Variants in SMTN observed in about 807,000 individuals in gnomAD.
SMTN encodes smoothelin.
In SMTN, 58 loss-of-function variants were observed where a neutral mutation model predicts 102.0. The ratio of observed to expected loss-of-function variants is 0.57; its 90% CI spans 0.46 to 0.71. The LOEUF (loss-of-function observed/expected upper bound fraction) is 0.71. Among genes scored for constraint, SMTN ranks in the 30% least tolerant of loss-of-function variants. The pLI is 0.00. For missense variants in SMTN, 1,185 were observed against 1,241.7 expected, an observed-to-expected ratio of 0.95 and a Z score of 0.69; for synonymous variants, 478 against 497.9, an observed-to-expected ratio of 0.96 and a Z score of 0.53.
At chr22:31,084,280 T>C (rs2042512022) in intron 2 of SMTN, among the ~76,000 whole-genome samples, 1 of 152,040 alleles carries the variant, frequency 6.6e-6, no homozygotes, top group Non-Finnish European at 1.5e-5. Context: ...TCCATGGGGG[T>C]AAATTAAAGA....
rs915286440 is a variant in SMTN at position 31,095,851 on chromosome 22, G to A, written c.1861+242G>A. On this transcript the variant is annotated intron_variant, in intron 13 of 20. Coordinates refer to ENST00000333137, the MANE Select transcript of SMTN (RefSeq NM_134269.3). The surrounding 1 kb of genome is among the most constrained non-coding windows in gnomAD (Gnocchi z 4.1). ...CAACCAGCTTCTCTTCTCCTTCCTA[G>A]ACCCAGATACTCCCTCCCGCAGCTA... The A allele has an allele frequency of 3.5e-6, 2 of 564,718 alleles. No homozygotes were observed. The highest frequency in any genetic ancestry group is 3.2e-5 in the Admixed American group (1 of 30,798). 35.0% of individuals were successfully genotyped at this position (564,718 alleles called of 1,614,324 possible).
chr22:31,088,218 T>C, intron 3 of SMTN, 105 bp downstream of exon 3: 3 of 1,281,864 alleles, frequency 2.3e-6, no homozygotes, highest in Non-Finnish European at 3.2e-6. Flanking sequence ...GTGGATTGCA[T>C]GTGCTAATGG....
At position 31,088,501 on chromosome 22, in the gene SMTN, A is replaced by G. The variant is rs781018228; in HGVS notation, c.201-12A>G. The stretch of plus-strand genomic sequence containing the variant: ...CATGGCAGTGGTGGTTACAGTCATG[A>G]TGTCTCTGCAGCTCTCAGCAGCGGG... On this transcript the variant is annotated splice_polypyrimidine_tract_variant and intron_variant, in intron 3 of 20. Coordinates refer to ENST00000333137, the MANE Select transcript of SMTN (RefSeq NM_134269.3). The G allele has an allele frequency of 3.7e-6, 6 of 1,611,880 alleles. No individual in the cohort carries two copies. Among genetic ancestry groups the G allele is most frequent in the Admixed American group, 1.7e-5 (1 of 59,970 alleles).
intron 2 of SMTN, among the ~76,000 whole-genome samples, chr22:31,084,705 G>C (rs1344983493): frequency 1.3e-5 from 2 of 152,258 alleles, no homozygotes; most frequent in Middle Eastern, 3.2e-3. Context: ...CTTAAGCGAG[G>C]CTCGGGCGGC....
intron 4 of SMTN, 39 bp from the exon 5 acceptor site, chr22:31,088,660 T>A (rs1346832255): frequency 6.2e-7 from 1 of 1,612,964 alleles, no homozygotes; most frequent in African/African-American, 1.3e-5. Flanking sequence ...AGACCTGGAC[T>A]CCACAGCCCA....
chr22:31,098,953 G>A, intron 17 of SMTN, 109 bp from the exon 18 acceptor site: 2 of 1,543,354 alleles, frequency 1.3e-6, no homozygotes, highest in Non-Finnish European at 1.8e-6. Context: ...TAGATCTGTG[G>A]TGCAAAGGCC....
At position 31,091,236 on chromosome 22, in the gene SMTN, G is replaced by A. The variant is rs778198749; in HGVS notation, c.1213G>A (p.Ala405Thr). Residue 405 changes from alanine (A) to threonine (T), a missense_variant, in exon 10 of 21, where the codon GCC (alanine) becomes ACC (threonine). Physicochemically the swap from Ala to Thr is moderately conservative, Grantham distance 58. Transcript: ENST00000333137. ...KEQRGVAQPL[A>T]QLRSCPQEEG... ...GCAACGAGGAGTAGCCCAGCCCCTG[G>A]CCCAGCTTCGAAGCTGCCCCCAGGA... The A allele has an allele frequency of 1.2e-6, 2 of 1,607,780 alleles. No individual in the cohort carries two copies. The highest frequency in any genetic ancestry group is 1.7e-6 in the Non-Finnish European group (2 of 1,177,506).
chr22:31,066,319 T>TA (rs2041848786), intron 1 of SMTN: 2 of 152,060 alleles, frequency 1.3e-5, no homozygotes, highest in African/African-American at 4.8e-5. Context: ...TTATTTTATT[T>TA]TATTTTTGAG....
At chr22:31,077,028 G>A (rs182469332), upstream of SMTN, among the ~76,000 whole-genome samples, 7 of 152,322 alleles carry the variant, frequency 4.6e-5, no homozygotes, top group Non-Finnish European at 8.8e-5. Flanking sequence ...TTACAGATGG[G>A]CAGACTGAGG....
intron 19 of SMTN, among the ~76,000 whole-genome samples, chr22:31,100,576 C>T (rs2043997442): frequency 6.6e-6 from 1 of 152,116 alleles, no homozygotes; most frequent in Non-Finnish European, 1.5e-5. Flanking sequence ...GCCCCCACCC[C>T]GCGTTCCCGC....
chr22:31,075,745 T>C (rs1313497430), intron 1 of SMTN, among the ~76,000 whole-genome samples: 3 of 152,172 alleles, frequency 2.0e-5, no homozygotes, highest in African/African-American at 4.8e-5. Context: ...AGTAAGTTAC[T>C]GTGGGCTAAG....
chr22:31,066,315 TA>T (rs1450889384), intron 1 of SMTN: 45 of 150,728 alleles, frequency 3.0e-4, no homozygotes, highest in Middle Eastern at 3.4e-3. Context: ...TATTTTATTT[TA>T]TTTTATTTTT....
chr22:31,077,506 T>C (rs528385681), upstream of SMTN, among the ~76,000 whole-genome samples: 3 of 152,134 alleles, frequency 2.0e-5, no homozygotes, highest in Admixed American at 2.0e-4. Flanking sequence ...GTAACAAAAT[T>C]GCCACACATG....
rs542944264 is a variant in SMTN, at chr22:31,100,058, C to T, written c.2603+162C>T. ...GAGTCCCCGTCCTTCTCCATCCCCA[C>T]CCCCCCGCTGCTGAGCGTGCCAGGT... On this transcript the variant is annotated intron_variant, in intron 19 of 20. Coordinates refer to ENST00000333137, the MANE Select transcript of SMTN (RefSeq NM_134269.3). Among the ~76,000 whole-genome samples, 915 of 151,940 alleles carry T rather than the reference C, an allele frequency of 6.0e-3. 12 individuals carry two copies. The highest frequency in any genetic ancestry group is 0.021 in the African/African-American group (871 of 41,438).
Position 31,104,543 on chromosome 22 carries a change from G to A in SMTN, c.*248G>A. On this transcript the variant is annotated 3_prime_UTR_variant, in exon 21 of 21. Transcript: ENST00000333137. ...GGCACCGTCTCCTGCCTGTGCGTCC[G>A]CCCACCGCTGCCCTGTCTGTTGCGA... 4 of 1,422,744 alleles carry A rather than the reference G, an allele frequency of 2.8e-6. No homozygotes were observed. Among genetic ancestry groups the A allele is most frequent in the Non-Finnish European group, 3.9e-6 (4 of 1,023,756 alleles). The allele number at this position is 1,422,744 out of a possible 1,614,324, so 88.1% of individuals were successfully genotyped here.
At position 31,095,293 on chromosome 22, in the gene SMTN, C is replaced by T. The variant is rs201845943; in HGVS notation, c.1633-10C>T. ...CTGCTTAAAGTCCATGCCCTCTCCCCACCCTGCAGATGGAAGCAGAGCCAG... is the reference window on the plus strand; with the variant it reads ...CTGCTTAAAGTCCATGCCCTCTCCCTACCCTGCAGATGGAAGCAGAGCCAG... On this transcript the variant is annotated splice_polypyrimidine_tract_variant and intron_variant, in intron 11 of 20. Transcript: ENST00000333137. This position sits in a 1 kb window ranked among gnomAD's most constrained non-coding sequence, Gnocchi z 4.1. 6.2e-7 allele frequency: 1 copy of T among 1,613,078 alleles called. No homozygotes were observed. Among genetic ancestry groups the T allele is most frequent in the South Asian group, 1.1e-5 (1 of 91,028 alleles).
At chr22:31,101,142 G>A in intron 20 of SMTN, 93 bp downstream of exon 20, 3 of 1,247,736 alleles carry the variant, frequency 2.4e-6, no homozygotes, top group Admixed American at 2.3e-5. Flanking sequence ...GGGGAAGTAA[G>A]GGGGGCATTT....
chr22:31,088,044 G>T lies in SMTN; in HGVS notation c.131G>T (p.Arg44Leu), dbSNP rs778163861. The change falls in exon 3 of 21, where the codon CGC becomes CTC. Residue 44 changes from arginine to leucine, a missense_variant. Around this residue, in one of 2 missense-constraint regions of SMTN, gnomAD observed 1,096 missense variants for 1,112.7 expected, o/e 0.98. Coordinates refer to ENST00000333137, the MANE Select transcript of SMTN (RefSeq NM_134269.3). ...GAACTGCAGCGGCAGGAGCTGGAGC[G>T]CGAGGAGGAGGCCCTGGCATCCAAG... ...IRELQRQELE[R>L]EEEALASKRF... 3.7e-6 allele frequency: 6 copies of T among 1,612,094 alleles called. No individual in the cohort carries two copies. The highest frequency in any genetic ancestry group is 1.1e-5 in the South Asian group (1 of 91,010).
chr22:31,092,665 C>A (rs1440709880), intron 11 of SMTN: 2 of 422,692 alleles, frequency 4.7e-6, no homozygotes, highest in Non-Finnish European at 1.0e-5. Flanking sequence ...TCCAAAAAAG[C>A]AGGATCCAGC....
Sources: gnomAD v4.1 joint callset for allele counts (sites outside exome capture counted in the v4.1 genomes callset) on GRCh38, gnomAD v4.1.1 for gene constraint, gnomAD v4.1.1 regional missense constraint, Gnocchi (gnomAD v3.1) non-coding constraint, MANE v1.5 for transcripts, NCBI Gene and HGNC (gene_info 2026-07-23, HGNC 2026-07-21) for gene names.